ERBB4: variants seen among roughly 807,000 people sequenced by gnomAD.
The protein encoded by ERBB4 is erb-b2 receptor tyrosine kinase 4, also known as receptor tyrosine-protein kinase erbB-4.
A neutral mutation model predicts 158.0 loss-of-function variants in ERBB4; 42 were observed. That is an observed-to-expected ratio of 0.27 (90% CI 0.21 to 0.34). The LOEUF is 0.34. ERBB4 is among the 10% of genes least tolerant of loss of function. The probability of loss-of-function intolerance (pLI) is 1.00; values close to 1 mark genes in which losing one functional copy is unlikely to be tolerated. For synonymous variants in ERBB4, 583 were observed against 558.7 expected (o/e 1.04, Z -0.61); for missense variants, 1,333 against 1,624.1 (o/e 0.82, Z 3.08).
At chr2:212,031,286 G>A (rs896893082) in intron 2 of ERBB4, among the ~76,000 whole-genome samples, 1 of 152,040 alleles carries the variant, frequency 6.6e-6, no homozygotes, top group Non-Finnish European at 1.5e-5. Context: ...TCATTCAAAT[G>A]TTTCCAAGTA....
chr2:212,422,500 A>AACACACACACACAC lies in ERBB4; in HGVS notation c.82+115935_82+115948dup, dbSNP rs56308920. Among the ~76,000 whole-genome samples, 19 of 148,660 alleles carry AACACACACACACAC rather than the reference A, an allele frequency of 1.3e-4. 2 individuals carry two copies. The highest frequency in any genetic ancestry group is 6.4e-4 in the South Asian group (3 of 4,656). ...GCAACGGTGTGAGACTTGGACTCAA[A>AACACACACACACAC]ACACACACACACACACACACACACA... On this transcript the variant is annotated intron_variant, in intron 1 of 27. Coordinates refer to ENST00000342788, the MANE Select transcript of ERBB4 (RefSeq NM_005235.3).
intron 3 of ERBB4, among the ~76,000 whole-genome samples, chr2:211,946,189 C>T (rs995939880): frequency 1.3e-4 from 20 of 152,010 alleles, no homozygotes; most frequent in Admixed American, 1.3e-3. Flanking sequence ...TTCATCAACT[C>T]TATAGCAATC....
At position 211,589,770 on chromosome 2, in the gene ERBB4, C is replaced by T. The variant is rs140038250; in HGVS notation, c.2302-27682G>A. ...AATTGATCATTAACTATAAAAAAAA[C>T]TATTGTAAAAATGATTACAATTGGG... On this transcript the variant is annotated intron_variant, in intron 19 of 27. Coordinates refer to ENST00000342788, the MANE Select transcript of ERBB4 (RefSeq NM_005235.3). 7.0e-3 allele frequency among the ~76,000 whole-genome samples: 1,066 copies of T among 152,114 alleles called. 13 individuals carry two copies. The highest frequency in any genetic ancestry group is 0.024 in the African/African-American group (1,016 of 41,508).
At chr2:212,307,372 C>CA (rs11451976) in intron 1 of ERBB4, among the ~76,000 whole-genome samples, 112,004 of 146,850 alleles carry the variant, frequency 0.76, 43,546 homozygotes, top group East Asian at 0.87. Flanking sequence ...TGACTATTGG[C>CA]AAAAAAAAAA....
intron 1 of ERBB4, among the ~76,000 whole-genome samples, chr2:212,191,060 A>T (rs1384513971): frequency 6.6e-6 from 1 of 151,980 alleles, no homozygotes; most frequent in Non-Finnish European, 1.5e-5. Flanking sequence ...ATAAAGATAA[A>T]CCACTGTATA....
intron 20 of ERBB4, among the ~76,000 whole-genome samples, chr2:211,504,928 A>T (rs2065707786): frequency 6.6e-6 from 1 of 152,140 alleles, no homozygotes; most frequent in Non-Finnish European, 1.5e-5. Context: ...AAACAAGCAA[A>T]GCATTTGAGA....
intron 2 of ERBB4, among the ~76,000 whole-genome samples, chr2:212,010,041 C>T (rs2076347916): frequency 6.6e-6 from 1 of 152,112 alleles, no homozygotes; most frequent in African/African-American, 2.4e-5. Context: ...CAAATTTTAC[C>T]AGCTTTGGAA....
rs117728118 is a variant in ERBB4, at chr2:211,709,749, G to A, written c.1124+2301C>T. ...CAAACTTCATGCTTGGTCATACTTTGGCCAGGTATAATTCCCTAGTTGTGT... is the reference window on the plus strand; with the variant it reads ...CAAACTTCATGCTTGGTCATACTTTAGCCAGGTATAATTCCCTAGTTGTGT... On this transcript the variant is annotated intron_variant, in intron 9 of 27. Coordinates refer to ENST00000342788, the MANE Select transcript of ERBB4 (RefSeq NM_005235.3). Among the ~76,000 whole-genome samples, 162 of 152,168 alleles carry A rather than the reference G, an allele frequency of 1.1e-3. 2 individuals are homozygous for A. The East Asian group carries it at 0.026, about 25-fold the overall frequency.
At chr2:211,584,653 C>T (rs1180830303) in intron 19 of ERBB4, among the ~76,000 whole-genome samples, 1 of 151,824 alleles carries the variant, frequency 6.6e-6, no homozygotes, top group Non-Finnish European at 1.5e-5. Context: ...AAATTACATA[C>T]TATATATGAA....
At chr2:212,061,302 A>C (rs2125421936) in intron 2 of ERBB4, among the ~76,000 whole-genome samples, 1 of 151,542 alleles carries the variant, frequency 6.6e-6, no homozygotes, top group East Asian at 2.0e-4. Flanking sequence ...AAAATACAAA[A>C]CTTAGCAGGG....
At chr2:212,150,872 C>A (rs1410250970) in intron 1 of ERBB4, among the ~76,000 whole-genome samples, 1 of 152,158 alleles carries the variant, frequency 6.6e-6, no homozygotes, top group East Asian at 1.9e-4. Flanking sequence ...AAACTCTGTT[C>A]ATGCATGCTT....
chr2:211,640,054 T>G (rs2070516673), intron 16 of ERBB4, among the ~76,000 whole-genome samples: 1 of 152,146 alleles, frequency 6.6e-6, no homozygotes, highest in African/African-American at 2.4e-5. Flanking sequence ...TAGCCTGGTT[T>G]GTTTGTTTGT....
chr2:212,138,923 T>C (rs1275635017), intron 1 of ERBB4, among the ~76,000 whole-genome samples: 1 of 152,182 alleles, frequency 6.6e-6, no homozygotes, highest in East Asian at 1.9e-4. Flanking sequence ...AGAAATTTGA[T>C]ATTATAGTTA....
chr2:212,347,594 T>G (rs2089067932), intron 1 of ERBB4, among the ~76,000 whole-genome samples: 1 of 152,144 alleles, frequency 6.6e-6, no homozygotes, highest in South Asian at 2.1e-4. Context: ...ACCAGAACTG[T>G]TGCAGATATT....
Position 211,567,802 on chromosome 2 carries a change from TC to T in ERBB4, c.2302-5715del, listed in dbSNP as rs1177547828. Among the ~76,000 whole-genome samples the T allele has an allele frequency of 4.6e-5, 7 of 151,138 alleles. No individual in the cohort carries two copies. In the East Asian group the frequency reaches 5.8e-4, roughly 13 times the overall value. On this transcript the variant is annotated intron_variant, in intron 19 of 27. Coordinates refer to ENST00000342788, the MANE Select transcript of ERBB4 (RefSeq NM_005235.3). ...TGTAGCTTGCATTTTTTTTTTTTTT[TC>T]ATAAAAGAAATAGCAGATGGCTGGT...
chr2:212,421,017 C>G (rs2091779894), intron 1 of ERBB4, among the ~76,000 whole-genome samples: 1 of 151,976 alleles, frequency 6.6e-6, no homozygotes, highest in Non-Finnish European at 1.5e-5. Context: ...TATAAATATG[C>G]CATATAATTG....
In ERBB4 at chr2:212,035,771, C is replaced by A. The variant is rs937935932; in HGVS notation, c.235-88155G>T. 3.9e-5 allele frequency among the ~76,000 whole-genome samples: 6 copies of A among 152,262 alleles called. No homozygotes were observed. In the East Asian group the frequency reaches 9.6e-4, roughly 24 times the overall value. ...GCATGTAATATGCACTCAGCAGATA[C>A]AATAAGTATTAATATTTCAAAGAAT... is the stretch of plus-strand genomic sequence containing the variant. On this transcript the variant is annotated intron_variant, in intron 2 of 27. Coordinates refer to ENST00000342788, the MANE Select transcript of ERBB4 (RefSeq NM_005235.3).
intron 1 of ERBB4, among the ~76,000 whole-genome samples, chr2:212,461,996 G>T (rs1167797000): frequency 1.3e-5 from 2 of 152,218 alleles, no homozygotes; most frequent in Non-Finnish European, 2.9e-5. Context: ...GGAACTGTAA[G>T]TGCAATTAAA....
chr2:212,218,381 C>G (rs2083175366), intron 1 of ERBB4, among the ~76,000 whole-genome samples: 1 of 151,232 alleles, frequency 6.6e-6, no homozygotes. Flanking sequence ...GTAAAACATC[C>G]TGGCTACAGC....
Sources: allele counts gnomAD v4.1 joint callset (sites outside exome capture counted in the v4.1 genomes callset), GRCh38; gene constraint gnomAD v4.1.1; transcripts MANE v1.5; gene names NCBI Gene and HGNC (gene_info 2026-07-23, HGNC 2026-07-21).